NUDCD1: variants seen among roughly 807,000 people sequenced by gnomAD.
The protein encoded by NUDCD1 is NudC domain containing 1, also known as nudC domain-containing protein 1.
A neutral mutation model predicts 67.8 loss-of-function variants in NUDCD1; 60 were observed. The observed-to-expected ratio is 0.88, with a 90% confidence interval of 0.72 to 1.10. The LOEUF (loss-of-function observed/expected upper bound fraction) is 1.10, where lower values mean the gene tolerates loss of function less well. Among genes scored for constraint, NUDCD1 ranks in the 50% least tolerant of loss-of-function variants. The pLI, the probability that NUDCD1 is intolerant of heterozygous loss-of-function variation, is 0.00. For synonymous variants in NUDCD1, 244 were observed against 230.8 expected (o/e 1.06, Z -0.52); for missense variants, 643 against 695.0 (o/e 0.93, Z 0.84).
chr8:109,320,298 G>A (rs1387423131), intron 2 of NUDCD1, among the ~76,000 whole-genome samples: 2 of 152,128 alleles, frequency 1.3e-5, no homozygotes, highest in Non-Finnish European at 2.9e-5. Flanking sequence ...CATAAGAGAC[G>A]ACCATGCCCA....
intron 6 of NUDCD1, among the ~76,000 whole-genome samples, chr8:109,278,326 A>G (rs1170065418): frequency 1.3e-5 from 2 of 152,254 alleles, no homozygotes; most frequent in Non-Finnish European, 2.9e-5. Context: ...ATAGATTTGC[A>G]AAATGGCACA....
At chr8:109,246,367 A>C (rs1444419271) in intron 8 of NUDCD1, among the ~76,000 whole-genome samples, 1 of 152,198 alleles carries the variant, frequency 6.6e-6, no homozygotes. Flanking sequence ...ATCTTCATTT[A>C]AGGGATGAAA....
At chr8:109,320,014 A>G (rs1815495603) in intron 2 of NUDCD1, among the ~76,000 whole-genome samples, 1 of 152,208 alleles carries the variant, frequency 6.6e-6, no homozygotes, top group South Asian at 2.1e-4. Context: ...GTGTGCGAAT[A>G]GGTGTGGGTC....
chr8:109,265,450 C>T (rs1271550262), intron 8 of NUDCD1, among the ~76,000 whole-genome samples: 1 of 152,110 alleles, frequency 6.6e-6, no homozygotes, highest in Non-Finnish European at 1.5e-5. Context: ...ACTTCTGATC[C>T]TATCCTTAAT....
rs5893946 is a variant in NUDCD1, at chr8:109,241,701, C to CTCTG, written c.*1304_*1307dup. 0.63 allele frequency: 103,251 copies of CTCTG among 163,950 alleles called. 34,199 individuals carry two copies. The highest frequency in any genetic ancestry group is 0.85 in the African/African-American group (35,505 of 41,902). The allele number at this position is 163,950 out of a possible 1,614,324, so 10.2% of individuals were successfully genotyped here. On this transcript the variant is annotated 3_prime_UTR_variant, in exon 10 of 10. Transcript: ENST00000239690. ...TGCAATCCTCATCTTTTTTCCTCCT[C>CTCTG]TCTGTCATTCATTCGTTCATTAAAA...
At chr8:109,297,015 C>T (rs1340304499) in intron 2 of NUDCD1, among the ~76,000 whole-genome samples, 1 of 152,162 alleles carries the variant, frequency 6.6e-6, no homozygotes, top group Non-Finnish European at 1.5e-5. Context: ...TGGCTATAAA[C>T]TCATGAAAAA....
At chr8:109,312,211 A>T (rs1265476822) in intron 2 of NUDCD1, among the ~76,000 whole-genome samples, 1 of 147,980 alleles carries the variant, frequency 6.8e-6, no homozygotes, top group East Asian at 2.1e-4. Flanking sequence ...CTGAGGCAGG[A>T]GAATTGCTTG....
At chr8:109,303,508 GACA>G (rs1563678466) in intron 2 of NUDCD1, among the ~76,000 whole-genome samples, 1 of 152,070 alleles carries the variant, frequency 6.6e-6, no homozygotes, top group Non-Finnish European at 1.5e-5. Flanking sequence ...TGCCAATTTG[GACA>G]ACATTATTTT....
At chr8:109,319,786 T>C (rs1406847633) in intron 2 of NUDCD1, among the ~76,000 whole-genome samples, 1 of 152,202 alleles carries the variant, frequency 6.6e-6, no homozygotes, top group Non-Finnish European at 1.5e-5. Context: ...TAAGAATATA[T>C]ATCATTTCAT....
intron 2 of NUDCD1, among the ~76,000 whole-genome samples, chr8:109,301,265 AGGT>A (rs931600440): frequency 9.9e-5 from 15 of 152,188 alleles, no homozygotes; most frequent in African/African-American, 3.6e-4. Flanking sequence ...ATCCTTAAGA[AGGT>A]ACTTTGTAAT....
intron 4 of NUDCD1, among the ~76,000 whole-genome samples, chr8:109,290,311 A>G (rs1202710498): frequency 3.3e-5 from 5 of 152,090 alleles, no homozygotes; most frequent in African/African-American, 1.2e-4. Flanking sequence ...AAACATGTCC[A>G]TCTTGGAGAA....
intron 2 of NUDCD1, among the ~76,000 whole-genome samples, chr8:109,308,226 T>A (rs181839001): frequency 5.3e-5 from 8 of 152,350 alleles, no homozygotes; most frequent in African/African-American, 1.4e-4. Context: ...TCCTGAATGA[T>A]CATTGGGTCA....
At chr8:109,290,324 C>G (rs1277071803) in intron 4 of NUDCD1, among the ~76,000 whole-genome samples, 4 of 152,082 alleles carry the variant, frequency 2.6e-5, no homozygotes, top group South Asian at 2.1e-4. Context: ...TTGGAGAAAT[C>G]TCTTATTAGA....
chr8:109,332,676 T>G (rs1375649079), intron 1 of NUDCD1, among the ~76,000 whole-genome samples: 1 of 152,188 alleles, frequency 6.6e-6, no homozygotes, highest in Admixed American at 6.5e-5. Flanking sequence ...TGCTTCTTGT[T>G]TTGAGACACT....
intron 6 of NUDCD1, among the ~76,000 whole-genome samples, chr8:109,279,320 T>C (rs1204114639): frequency 1.3e-5 from 2 of 152,208 alleles, no homozygotes; most frequent in Non-Finnish European, 2.9e-5. Flanking sequence ...CATGTATTGG[T>C]GTCTCACTCT....
intron 5 of NUDCD1, among the ~76,000 whole-genome samples, chr8:109,283,301 T>G (rs1586276604): frequency 6.6e-6 from 1 of 152,070 alleles, no homozygotes; most frequent in Non-Finnish European, 1.5e-5. Flanking sequence ...TGAAATCATG[T>G]AAAGTAACCA....
chr8:109,306,962 A>C (rs921881517), intron 2 of NUDCD1, among the ~76,000 whole-genome samples: 2 of 151,986 alleles, frequency 1.3e-5, no homozygotes, highest in African/African-American at 4.8e-5. Context: ...ACCACCCCCC[A>C]AAAATTTTCA....
At chr8:109,263,912 A>C (rs985560759) in intron 8 of NUDCD1, among the ~76,000 whole-genome samples, 2 of 152,224 alleles carry the variant, frequency 1.3e-5, no homozygotes, top group Non-Finnish European at 2.9e-5. Context: ...TAATTACTTG[A>C]AGTTGCTACA....
Position 109,293,332 on chromosome 8 carries a change from CT to C in NUDCD1, c.640+11del. On this transcript the variant is annotated intron_variant, in intron 4 of 9. Transcript: ENST00000239690. ...GCCAACCAGTAGAGACAGATTCAGA[CT>C]TTTGTTTTACCTTGATTTTTCTTAC... is the stretch of plus-strand genomic sequence containing the variant. 1.3e-6 allele frequency: 2 copies of C among 1,486,592 alleles called. No homozygotes were observed. Among genetic ancestry groups the C allele is most frequent in the Non-Finnish European group, 1.8e-6 (2 of 1,098,164 alleles). 92.1% of individuals were successfully genotyped at this position (1,486,592 alleles called of 1,614,324 possible).
Sources: allele counts gnomAD v4.1 joint callset (sites outside exome capture counted in the v4.1 genomes callset), GRCh38; gene constraint gnomAD v4.1.1; transcripts MANE v1.5; gene names NCBI Gene and HGNC (gene_info 2026-07-23, HGNC 2026-07-21).